The following PAFAH1B2 variants were observed in gnomAD, a reference collection of about 807,000 sequenced individuals.
The protein encoded by PAFAH1B2 is platelet activating factor acetylhydrolase 1b catalytic subunit 2, also known as platelet-activating factor acetylhydrolase IB subunit alpha2.
In PAFAH1B2, 8 loss-of-function variants were observed where a neutral mutation model predicts 28.0. The observed-to-expected ratio is 0.29, with a 90% CI of 0.17 to 0.52. The LOEUF is 0.52. Among genes scored for constraint, PAFAH1B2 ranks in the 20% least tolerant of loss-of-function variants. The pLI is 0.97. For missense variants in PAFAH1B2, 190 were observed against 282.6 expected, an observed-to-expected ratio of 0.67 and a Z score of 2.35; for synonymous variants, 104 against 103.2, an observed-to-expected ratio of 1.01 and a Z score of -0.05.
chr11:117,168,445 C>CCTTTTTTTTT lies in PAFAH1B2; in HGVS notation c.*746_*747insCTTTTTTTTT, dbSNP rs1565274998. 4.0e-5 allele frequency: 14 copies of CCTTTTTTTTT among 354,308 alleles called. No homozygotes were observed. The highest frequency in any genetic ancestry group is 2.8e-4 in the Admixed American group (1 of 3,550). 21.9% of individuals were successfully genotyped at this position (354,308 alleles called of 1,614,324 possible). A position where few individuals can be genotyped will look rare whatever the true frequency, so the allele number is the denominator to read the frequency against. ...TTCCCCTTCATTCCCCCCGCCACCC[C>CCTTTTTTTTT]GTTTTTTTTTTTTTTTTTTTTTTTT... On this transcript the variant is annotated 3_prime_UTR_variant, in exon 6 of 6. Transcript: ENST00000527958.
chr11:117,157,039 G>A (rs7123517), intron 2 of PAFAH1B2, among the ~76,000 whole-genome samples: 111,247 of 137,734 alleles, frequency 0.81, 44,309 homozygotes, highest in Non-Finnish European at 0.84. Context: ...TCTCAAAAAA[G>A]AAAAAAAAAA....
rs765614718 is a variant in PAFAH1B2 at position 117,144,353 on chromosome 11, C to T, written c.-73C>T. On this transcript the variant is annotated 5_prime_UTR_variant, in exon 1 of 6. Coordinates refer to ENST00000527958, the MANE Select transcript of PAFAH1B2 (RefSeq NM_002572.4). ...CCGGAGCGGGACCGACGGGACCGAGCGAGCGACCGACGCGCCACCCGCCGA... is the reference window on the plus strand; with the variant it reads ...CCGGAGCGGGACCGACGGGACCGAGTGAGCGACCGACGCGCCACCCGCCGA... The T allele has an allele frequency of 1.5e-4, 65 of 420,046 alleles. No homozygotes were observed. The highest frequency in any genetic ancestry group is 1.0e-3 in the Admixed American group (42 of 40,416). 26.0% of individuals were successfully genotyped at this position (420,046 alleles called of 1,614,324 possible). A position where few individuals can be genotyped will look rare whatever the true frequency, so the allele number is the denominator to read the frequency against.
intron 3 of PAFAH1B2, among the ~76,000 whole-genome samples, chr11:117,160,613 T>A (rs1956352082): frequency 6.6e-6 from 1 of 152,126 alleles, no homozygotes; most frequent in Non-Finnish European, 1.5e-5. Flanking sequence ...TGTGCCACCA[T>A]GCCTGACTGA....
intron 1 of PAFAH1B2, among the ~76,000 whole-genome samples, chr11:117,147,239 G>T (rs545392823): frequency 6.6e-6 from 1 of 152,178 alleles, no homozygotes; most frequent in African/African-American, 2.4e-5. Context: ...TTGTACTCCA[G>T]TCTGGGCAAC....
At chr11:117,148,294 C>T (rs2008908) in intron 1 of PAFAH1B2, among the ~76,000 whole-genome samples, 103,415 of 151,816 alleles carry the variant, frequency 0.68, 36,013 homozygotes, top group Non-Finnish European at 0.76. Flanking sequence ...CTCAGGTGAT[C>T]CTCCTGCCTC....
downstream of PAFAH1B2, among the ~76,000 whole-genome samples, chr11:117,173,310 T>TG (rs765430801): frequency 1.3e-5 from 2 of 152,176 alleles, no homozygotes; most frequent in Non-Finnish European, 2.9e-5. Context: ...ACTGCCCACT[T>TG]GGTCAGAGCT....
At chr11:117,175,868 C>T (rs1179832747), downstream of PAFAH1B2, 1 of 1,529,930 alleles carries the variant, frequency 6.5e-7, no homozygotes, top group South Asian at 1.2e-5. Flanking sequence ...TCAAGACCAG[C>T]CTGGGCAATG....
chr11:117,171,838 A>G (rs896035949), downstream of PAFAH1B2: 19 of 965,788 alleles, frequency 2.0e-5, no homozygotes, highest in Non-Finnish European at 2.9e-5. Flanking sequence ...CCTCAGTGGT[A>G]TACTGTTGGA....
At chr11:117,146,281 C>T (rs4936365) in intron 1 of PAFAH1B2, among the ~76,000 whole-genome samples, 94,600 of 150,964 alleles carry the variant, frequency 0.63, 31,609 homozygotes, top group Non-Finnish European at 0.76. Flanking sequence ...TTAGTAGAGA[C>T]GGGGTTTCGC....
chr11:117,175,177 C>T, downstream of PAFAH1B2: 1 of 1,143,124 alleles, frequency 8.7e-7, no homozygotes, highest in Non-Finnish European at 1.1e-6. Flanking sequence ...TAGGGTTGAG[C>T]TCTTTGTATA....
At position 117,150,764 on chromosome 11, in the gene PAFAH1B2, C is replaced by T. The variant is rs190584084; in HGVS notation, c.-7-1677C>T. Among the ~76,000 whole-genome samples, 598 of 152,028 alleles carry T rather than the reference C, an allele frequency of 3.9e-3. 5 individuals are homozygous for T. Among genetic ancestry groups the T allele is most frequent in the South Asian group, 7.3e-3 (35 of 4,806 alleles). Reference sequence around the variant, plus strand: ...AAAGATTGCTTATATAGAAGATGACCTCCTTTTCTTCAGGAGATCGAGACC... The same window carrying T: ...AAAGATTGCTTATATAGAAGATGACTTCCTTTTCTTCAGGAGATCGAGACC... On this transcript the variant is annotated intron_variant, in intron 1 of 5. Coordinates refer to ENST00000527958, the MANE Select transcript of PAFAH1B2 (RefSeq NM_002572.4).
chr11:117,174,494 C>CT (rs71037472), downstream of PAFAH1B2, among the ~76,000 whole-genome samples: 26 of 143,730 alleles, frequency 1.8e-4, no homozygotes, highest in South Asian at 2.3e-3. Flanking sequence ...ATTTTTTTTT[C>CT]TTTTTTTTTA....
chr11:117,168,604 A>G lies in PAFAH1B2; in HGVS notation c.*905A>G, dbSNP rs1268443854. The G allele has an allele frequency of 3.2e-5, 34 of 1,062,520 alleles. No homozygotes were observed. The highest frequency in any genetic ancestry group is 3.8e-5 in the Non-Finnish European group (33 of 877,980). The allele number at this position is 1,062,520 out of a possible 1,614,324, so 65.8% of individuals were successfully genotyped here. A position where few individuals can be genotyped will look rare whatever the true frequency, so the allele number is the denominator to read the frequency against. On this transcript the variant is annotated 3_prime_UTR_variant, in exon 6 of 6. Coordinates refer to ENST00000527958, the MANE Select transcript of PAFAH1B2 (RefSeq NM_002572.4). ...TCATTCTTGTGTGGTGTTCTGTGCT[A>G]TAGATTCTGTGTATTGCTGTTCATA...
chr11:117,150,023 C>G (rs577319604), intron 1 of PAFAH1B2, among the ~76,000 whole-genome samples: 12 of 152,102 alleles, frequency 7.9e-5, no homozygotes, highest in Non-Finnish European at 1.3e-4. Context: ...AAAAAAAGAC[C>G]TTGTCTCAAA....
At chr11:117,163,689 A>G in intron 4 of PAFAH1B2, 81 bp from the exon 5 acceptor site, 1 of 1,064,244 alleles carries the variant, frequency 9.4e-7, no homozygotes, top group Non-Finnish European at 1.4e-6. Flanking sequence ...AAAAAAAAAA[A>G]AGATTTTCAT....
intron 1 of PAFAH1B2, among the ~76,000 whole-genome samples, chr11:117,149,430 G>GTTTTGTTTTTTTTTTTTT (rs1956092694): frequency 1.2e-5 from 1 of 86,050 alleles, no homozygotes; most frequent in Non-Finnish European, 2.2e-5. Flanking sequence ...TTTTCTAATC[G>GTTTTGTTTTTTTTTTTTT]TTTTTTTTTT....
intron 5 of PAFAH1B2, among the ~76,000 whole-genome samples, chr11:117,164,373 C>G (rs1439351873): frequency 6.6e-6 from 1 of 151,232 alleles, no homozygotes. Context: ...TGCCACTGCA[C>G]TCCAGCCTGG....
rs1245820701 is a variant in PAFAH1B2 at position 117,148,900 on chromosome 11, C to T, written c.-7-3541C>T. On this transcript the variant is annotated intron_variant, in intron 1 of 5. Coordinates refer to ENST00000527958, the MANE Select transcript of PAFAH1B2 (RefSeq NM_002572.4). ...ATTTATTTACTTAGAGACAAGGTCT[C>T]ACTGTCACTCAGGCGGGAGTGCAGT... Among the ~76,000 whole-genome samples, 3 of 152,216 alleles carry T rather than the reference C, an allele frequency of 2.0e-5. No homozygotes were observed. The East Asian group carries it at 5.8e-4, about 29-fold the overall frequency.
chr11:117,163,288 T>G (rs560686243), intron 4 of PAFAH1B2, among the ~76,000 whole-genome samples: 1 of 152,056 alleles, frequency 6.6e-6, no homozygotes, highest in South Asian at 2.1e-4. Flanking sequence ...TGACCCTCTA[T>G]CTCTTAAAAG....
Sources: allele counts gnomAD v4.1 joint callset (sites outside exome capture counted in the v4.1 genomes callset), GRCh38; gene constraint gnomAD v4.1.1; transcripts MANE v1.5; gene names NCBI Gene and HGNC (gene_info 2026-07-23, HGNC 2026-07-21).